The following PCDHGA6 variants were observed in gnomAD, a reference collection of about 807,000 sequenced individuals.
PCDHGA6 encodes protocadherin gamma-A6.
Under a neutral mutation model 60.6 loss-of-function variants are expected in PCDHGA6, and 41 were observed. That is an observed-to-expected ratio of 0.68 (90% CI 0.53 to 0.88). PCDHGA6 has a LOEUF of 0.88. Among genes scored for constraint, PCDHGA6 ranks in the 40% least tolerant of loss-of-function variants. PCDHGA6 has a pLI of 0.00. For synonymous variants in PCDHGA6, 594 were observed against 524.4 expected, an observed-to-expected ratio of 1.13 and a Z score of -1.81; for missense variants, 1,312 against 1,203.0, an observed-to-expected ratio of 1.09 and a Z score of -1.34.
rs771647688 is a variant in PCDHGA6 at position 141,399,795 on chromosome 5, G to A, written c.2424+23288G>A. 10 of 1,613,202 alleles carry A rather than the reference G, an allele frequency of 6.2e-6. No individual in the cohort carries two copies. In the South Asian group the frequency reaches 8.8e-5, roughly 14 times the overall value. On this transcript the variant is annotated intron_variant, in intron 1 of 3. Transcript: ENST00000517434. ...TGGGCGACCGAAACGACAACGCACC[G>A]CGGGTGCTGTACCCCGCGCTGGGTC...
chr5:141,393,055 G>A (rs1225924697), intron 1 of PCDHGA6: 1 of 1,613,678 alleles, frequency 6.2e-7, no homozygotes, highest in South Asian at 1.1e-5. Flanking sequence ...AACCCGCGCA[G>A]CGGCAGCTTG....
chr5:141,430,048 A>G (rs2097258677), intron 1 of PCDHGA6, among the ~76,000 whole-genome samples: 1 of 152,222 alleles, frequency 6.6e-6, no homozygotes, highest in African/African-American at 2.4e-5. Flanking sequence ...AATGTATACA[A>G]TCACATATCA....
chr5:141,415,499 C>G (rs2095876120), intron 1 of PCDHGA6: 1 of 1,614,098 alleles, frequency 6.2e-7, no homozygotes, highest in Non-Finnish European at 8.5e-7. Context: ...CTGATCTTCC[C>G]CCAGCCCAAT....
intron 3 of PCDHGA6, among the ~76,000 whole-genome samples, chr5:141,509,685 A>G (rs923641083): frequency 6.6e-6 from 1 of 152,166 alleles, no homozygotes. Flanking sequence ...TCTTCTGTAC[A>G]GTGGGACGTT....
intron 1 of PCDHGA6, chr5:141,405,172 T>G: frequency 1.2e-6 from 2 of 1,614,092 alleles, no homozygotes; most frequent in African/African-American, 2.7e-5. Flanking sequence ...CCTCACACTT[T>G]GTGGGTGTAG....
chr5:141,432,589 G>T lies in PCDHGA6; in HGVS notation c.2424+56082G>T. ...CCTGGCTGTCCTACCGTCTGCTCAA[G>T]GCCAGCGAGCCGGGACTCTTCTCGG... On this transcript the variant is annotated intron_variant, in intron 1 of 3. Transcript: ENST00000517434. The surrounding 1 kb of genome is among the most constrained non-coding windows in gnomAD (Gnocchi z 6.0). 1 of 1,613,916 alleles carries T rather than the reference G, an allele frequency of 6.2e-7. No individual in the cohort carries two copies. Among genetic ancestry groups the T allele is most frequent in the Non-Finnish European group, 8.5e-7 (1 of 1,179,974 alleles).
At position 141,400,548 on chromosome 5, in the gene PCDHGA6, T is replaced by G. The variant is rs551157559; in HGVS notation, c.2424+24041T>G. On this transcript the variant is annotated intron_variant, in intron 1 of 3. Transcript: ENST00000517434. ...TGGTGAGTTTCATTTATGTCTATTC[T>G]TTTTCATTACCCACCCAATTTTCTG... is the stretch of plus-strand genomic sequence containing the variant. 3.3e-4 allele frequency: 529 copies of G among 1,613,654 alleles called. 1 individual carries two copies. In the South Asian group the frequency reaches 4.9e-3, roughly 15 times the overall value.
In PCDHGA6 at chr5:141,487,906, AGCACAGGAGGCTACAGT is replaced by A. The variant is rs2099668744; in HGVS notation, c.2425-6893_2425-6877del. ...TGGAAGCATGATGATGGAATGTGGG[AGCACAGGAGGCTACAGT>A]GCACAGGGTACAGTGCACCAGGCAG... On this transcript the variant is annotated intron_variant, in intron 1 of 3. Coordinates refer to ENST00000517434, the MANE Select transcript of PCDHGA6 (RefSeq NM_018919.3). The surrounding 1 kb of genome is among the most constrained non-coding windows in gnomAD (Gnocchi z 5.0). The A allele has an allele frequency of 8.7e-6, 6 of 686,524 alleles. No homozygotes were observed. The East Asian group carries it at 1.6e-4, about 19-fold the overall frequency. The allele number at this position is 686,524 out of a possible 1,614,324, so 42.5% of individuals were successfully genotyped here.
chr5:141,460,289 T>C, intron 1 of PCDHGA6, among the ~76,000 whole-genome samples: 1 of 152,148 alleles, frequency 6.6e-6, no homozygotes, highest in East Asian at 1.9e-4. Context: ...TTTGTATTTC[T>C]TATGTCCTAT....
At chr5:141,409,681 G>A in intron 1 of PCDHGA6, 1 of 1,613,368 alleles carries the variant, frequency 6.2e-7, no homozygotes, top group South Asian at 1.1e-5. Flanking sequence ...CTATAGTGGC[G>A]AGTGACCTAG....
chr5:141,378,385 G>T, intron 1 of PCDHGA6: 1 of 152,308 alleles, frequency 6.6e-6, no homozygotes, highest in Non-Finnish European at 1.5e-5. Flanking sequence ...TAGCCAGGTG[G>T]GGTGGCATGG....
At chr5:141,422,345 A>G in intron 1 of PCDHGA6, 1 of 1,551,648 alleles carries the variant, frequency 6.4e-7, no homozygotes, top group South Asian at 1.3e-5. Context: ...CTAAATGTGC[A>G]AGATCAAGAT....
intron 1 of PCDHGA6, chr5:141,399,206 C>T (rs2093769623): frequency 1.2e-6 from 2 of 1,613,908 alleles, no homozygotes; most frequent in South Asian, 2.2e-5. Flanking sequence ...GTGCCTGGAA[C>T]ACTAATTGCT....
chr5:141,450,678 G>C (rs1038323301), intron 1 of PCDHGA6, among the ~76,000 whole-genome samples: 1 of 151,854 alleles, frequency 6.6e-6, no homozygotes, highest in Non-Finnish European at 1.5e-5. Context: ...GTAGAAACGG[G>C]GTTTTGCCAT....
chr5:141,410,569 T>C (rs908906606), intron 1 of PCDHGA6: 1 of 1,612,242 alleles, frequency 6.2e-7, no homozygotes, highest in African/African-American at 1.3e-5. Context: ...GAGCCTTAAT[T>C]CCACCTCATG....
At position 141,476,001 on chromosome 5, in the gene PCDHGA6, C is replaced by G; in HGVS notation, c.2425-18806C>G. The G allele has an allele frequency of 8.1e-7, 1 of 1,235,348 alleles. No homozygotes were observed. Among genetic ancestry groups the G allele is most frequent in the Non-Finnish European group, 1.1e-6 (1 of 894,008 alleles). 76.5% of individuals were successfully genotyped at this position (1,235,348 alleles called of 1,614,324 possible). On this transcript the variant is annotated intron_variant, in intron 1 of 3. Transcript: ENST00000517434. The surrounding 1 kb of genome is among the most constrained non-coding windows in gnomAD (Gnocchi z 7.6). ...CAGCCGGCGAGCAAATCAACGGCATCCAGAAAGCCATGTCGGACTCGGCGC... is the reference window on the plus strand; with the variant it reads ...CAGCCGGCGAGCAAATCAACGGCATGCAGAAAGCCATGTCGGACTCGGCGC...
chr5:141,414,473 G>C lies in PCDHGA6; in HGVS notation c.2424+37966G>C, dbSNP rs371832510. 50 of 1,613,790 alleles carry C rather than the reference G, an allele frequency of 3.1e-5. No individual in the cohort carries two copies. The highest frequency in any genetic ancestry group is 4.1e-5 in the Non-Finnish European group (48 of 1,179,892). Reference sequence around the variant, plus strand: ...ACAGTGACAGCCACAGATGGGGGAAGTCCTCCTCTATCAACGGAAGCTCAC... The same window carrying C: ...ACAGTGACAGCCACAGATGGGGGAACTCCTCCTCTATCAACGGAAGCTCAC... On this transcript the variant is annotated intron_variant, in intron 1 of 3. Transcript: ENST00000517434.
At chr5:141,510,366 T>A (rs1452829030) in intron 3 of PCDHGA6, among the ~76,000 whole-genome samples, 1 of 140,062 alleles carries the variant, frequency 7.1e-6, no homozygotes, top group Non-Finnish European at 1.6e-5. Context: ...AACTACCGAA[T>A]CTCTACTCGT....
intron 2 of PCDHGA6, among the ~76,000 whole-genome samples, chr5:141,502,654 C>T (rs1424933188): frequency 6.6e-6 from 1 of 152,230 alleles, no homozygotes; most frequent in South Asian, 2.1e-4. Context: ...TAGGCAGCAA[C>T]CCTTCATGCA....
Sources: gnomAD v4.1 joint callset for allele counts (sites outside exome capture counted in the v4.1 genomes callset) on GRCh38, gnomAD v4.1.1 for gene constraint, Gnocchi (gnomAD v3.1) non-coding constraint, MANE v1.5 for transcripts, NCBI Gene and HGNC (gene_info 2026-07-23, HGNC 2026-07-21) for gene names.